HIBCH: variants seen among roughly 807,000 people sequenced by gnomAD.
HIBCH encodes 3-hydroxyisobutyryl-CoA hydrolase, also known as 3-hydroxyisobutyryl-CoA hydrolase, mitochondrial.
A neutral mutation model predicts 58.2 loss-of-function variants in HIBCH; 50 were observed. The observed-to-expected ratio is 0.86, with a 90% CI of 0.68 to 1.09. HIBCH has a LOEUF of 1.09. HIBCH is among the 50% of genes least tolerant of loss of function. The probability of loss-of-function intolerance (pLI) is 0.00; values close to 1 mark genes in which losing one functional copy is unlikely to be tolerated. For missense variants in HIBCH, 450 were observed against 449.7 expected (o/e 1.00, Z -0.01); for synonymous variants, 151 against 146.9 (o/e 1.03, Z -0.20).
rs1400972550 is a variant in HIBCH at position 190,243,866 on chromosome 2, A to T, written c.891+1021T>A. Reference sequence around the variant, plus strand: ...ACGCCCGTAGTCCCAGCTACTCAGGAGGCTGAGGTGTGAGGATTGCTTGAG... The same window carrying T: ...ACGCCCGTAGTCCCAGCTACTCAGGTGGCTGAGGTGTGAGGATTGCTTGAG... On this transcript the variant is annotated intron_variant, in intron 11 of 13. Transcript: ENST00000359678. This position sits in a 1 kb window ranked among gnomAD's most constrained non-coding sequence, Gnocchi z 4.1. Among the ~76,000 whole-genome samples, 1 of 152,120 alleles carries T rather than the reference A, an allele frequency of 6.6e-6. No individual in the cohort carries two copies. Among genetic ancestry groups the T allele is most frequent in the Admixed American group, 6.6e-5 (1 of 15,266 alleles).
At chr2:190,308,597 C>G (rs1274926991) in intron 2 of HIBCH, among the ~76,000 whole-genome samples, 2 of 152,194 alleles carry the variant, frequency 1.3e-5, no homozygotes, top group Non-Finnish European at 2.9e-5. Flanking sequence ...ACATGATGTC[C>G]TATACCGCCT....
chr2:190,262,154 C>T (rs1178216593), intron 6 of HIBCH, among the ~76,000 whole-genome samples: 5 of 119,444 alleles, frequency 4.2e-5, no homozygotes, highest in Non-Finnish European at 6.6e-5. Flanking sequence ...GTTTTATATG[C>T]GGTAGAGACA....
At chr2:190,265,892 T>C (rs1314443880) in intron 6 of HIBCH, among the ~76,000 whole-genome samples, 3 of 152,226 alleles carry the variant, frequency 2.0e-5, no homozygotes, top group Non-Finnish European at 4.4e-5. Context: ...TTTGCTTTTA[T>C]CTTTGTCTTT....
At chr2:190,231,780 A>C (rs113165833) in intron 11 of HIBCH, among the ~76,000 whole-genome samples, 4 of 152,252 alleles carry the variant, frequency 2.6e-5, no homozygotes, top group South Asian at 2.1e-4. Context: ...GAATAAAGGA[A>C]GAAGGAAATA....
At position 190,275,170 on chromosome 2, in the gene HIBCH, A is replaced by G. The variant is rs372909248; in HGVS notation, c.438+12416T>C. Among the ~76,000 whole-genome samples the G allele has an allele frequency of 3.9e-5, 6 of 152,282 alleles. No individual in the cohort carries two copies. In the East Asian group the frequency reaches 9.6e-4, roughly 24 times the overall value. On this transcript the variant is annotated intron_variant, in intron 6 of 13. Transcript: ENST00000359678. ...GGGGAACCAACTTCATTTCTATTCGAAAATGCAAGAGGTGGTGGAAAAAAA... is the reference window on the plus strand; with the variant it reads ...GGGGAACCAACTTCATTTCTATTCGGAAATGCAAGAGGTGGTGGAAAAAAA...
chr2:190,253,433 ATC>A (rs1575727156), intron 7 of HIBCH, among the ~76,000 whole-genome samples: 1 of 152,172 alleles, frequency 6.6e-6, no homozygotes, highest in Admixed American at 6.5e-5. Context: ...AAACAGAAAT[ATC>A]TCTTAGTATC....
intron 1 of HIBCH, among the ~76,000 whole-genome samples, chr2:190,192,110 TTTGAG>T (rs1336354214): frequency 2.0e-5 from 3 of 152,284 alleles, no homozygotes; most frequent in East Asian, 1.9e-4. Flanking sequence ...TATGATCCCT[TTTGAG>T]TTAATTTTTC....
At chr2:190,255,944 G>A (rs1390558198) in intron 7 of HIBCH, among the ~76,000 whole-genome samples, 2 of 152,164 alleles carry the variant, frequency 1.3e-5, no homozygotes. Context: ...TTGACTCATA[G>A]TTCCAAATGG....
At chr2:190,311,881 A>T (rs1688566855) in intron 1 of HIBCH, among the ~76,000 whole-genome samples, 1 of 152,218 alleles carries the variant, frequency 6.6e-6, no homozygotes, top group African/African-American at 2.4e-5. Flanking sequence ...TTGTTGGGCT[A>T]GGAATACAAA....
intron 11 of HIBCH, among the ~76,000 whole-genome samples, chr2:190,229,003 C>T (rs1363633690): frequency 6.6e-6 from 1 of 152,130 alleles, no homozygotes; most frequent in Non-Finnish European, 1.5e-5. Context: ...TGGGAAATTT[C>T]TAACAAAAGG....
chr2:190,272,733 A>G (rs1056156704), intron 6 of HIBCH, among the ~76,000 whole-genome samples: 1 of 152,170 alleles, frequency 6.6e-6, no homozygotes, highest in Non-Finnish European at 1.5e-5. Context: ...CAAGTCAAAA[A>G]TTTCCCAGAA....
rs1690604195 is a variant in HIBCH, at chr2:190,215,284, A to C, written c.892-2209T>G. ...AAAGACAGCGTCCTCCCAGGCAAGAAGTCCTGCCAACTGAGCAGAAATTCC... is the reference window on the plus strand; with the variant it reads ...AAAGACAGCGTCCTCCCAGGCAAGACGTCCTGCCAACTGAGCAGAAATTCC... On this transcript the variant is annotated intron_variant, in intron 11 of 13. Transcript: ENST00000359678. This position sits in a 1 kb window ranked among gnomAD's most constrained non-coding sequence, Gnocchi z 4.4. 1 of 152,262 alleles carries C rather than the reference A, an allele frequency of 6.6e-6. No homozygotes were observed. Among genetic ancestry groups the C allele is most frequent in the African/African-American group, 2.4e-5 (1 of 41,472 alleles). The allele number at this position is 152,262 out of a possible 1,614,324, so 9.4% of individuals were successfully genotyped here. A position where few individuals can be genotyped will look rare whatever the true frequency, so the allele number is the denominator to read the frequency against.
At chr2:190,229,169 A>G (rs560706075) in intron 11 of HIBCH, among the ~76,000 whole-genome samples, 2 of 152,304 alleles carry the variant, frequency 1.3e-5, no homozygotes, top group South Asian at 4.1e-4. Context: ...TTCTCTGGAG[A>G]ACCCTAATAC....
chr2:190,292,176 T>G (rs12621421), intron 4 of HIBCH, among the ~76,000 whole-genome samples: 23,313 of 151,860 alleles, frequency 0.15, 2,501 homozygotes, highest in Admixed American at 0.32. Flanking sequence ...AGAGAGGGGT[T>G]TCACTATATT....
At chr2:190,316,330 T>C (rs1688709756) in intron 1 of HIBCH, among the ~76,000 whole-genome samples, 1 of 152,086 alleles carries the variant, frequency 6.6e-6, no homozygotes, top group Admixed American at 6.6e-5. Flanking sequence ...ACAGTCTATG[T>C]TGCCCAGGCT....
chr2:190,319,596 A>G, intron 1 of HIBCH, 120 bp downstream of exon 1: 1 of 839,152 alleles, frequency 1.2e-6, no homozygotes, highest in Non-Finnish European at 2.0e-6. Flanking sequence ...GGGGTCTCAC[A>G]GCGGCGCCTC....
At chr2:190,208,967 G>A (rs890314698) in intron 12 of HIBCH, 54 bp from the exon 13 acceptor site, 52 of 1,512,702 alleles carry the variant, frequency 3.4e-5, no homozygotes, top group Non-Finnish European at 4.6e-6. Flanking sequence ...CTTATTCTGG[G>A]TTATTTTCTC....
At chr2:190,296,686 T>C (rs1420732399) in intron 3 of HIBCH, 127 bp downstream of exon 3, 8 of 875,916 alleles carry the variant, frequency 9.1e-6, no homozygotes, top group South Asian at 1.5e-5. Context: ...ACCTCAAGAA[T>C]TGATGGGGCT....
intron 1 of HIBCH, among the ~76,000 whole-genome samples, chr2:190,319,259 C>G (rs945761909): frequency 2.0e-5 from 3 of 152,202 alleles, no homozygotes; most frequent in African/African-American, 4.8e-5. Flanking sequence ...TTCCAAATGC[C>G]TATACTGACG....
Sources: allele counts gnomAD v4.1 joint callset (sites outside exome capture counted in the v4.1 genomes callset), GRCh38; gene constraint gnomAD v4.1.1; non-coding constraint Gnocchi (gnomAD v3.1); transcripts MANE v1.5; gene names NCBI Gene and HGNC (gene_info 2026-07-23, HGNC 2026-07-21).